The following PLA2G5 variants were observed in gnomAD, a reference collection of about 807,000 sequenced individuals.
PLA2G5 encodes the protein phospholipase A2 group V.
Under a neutral mutation model 15.9 loss-of-function variants are expected in PLA2G5, and 12 were observed. The observed-to-expected ratio is 0.76, with a 90% CI of 0.48 to 1.23. The LOEUF is 1.23. Among genes scored for constraint, PLA2G5 ranks in the 50% most tolerant of loss-of-function variants. The pLI is 0.00. For synonymous variants in PLA2G5, 71 were observed against 71.4 expected, an observed-to-expected ratio of 0.99 and a Z score of 0.03; for missense variants, 169 against 177.1, an observed-to-expected ratio of 0.95 and a Z score of 0.26.
intron 1 of PLA2G5, among the ~76,000 whole-genome samples, chr1:20,051,844 T>A (rs1168676285): frequency 6.6e-6 from 1 of 152,172 alleles, no homozygotes; most frequent in Admixed American, 6.5e-5. Flanking sequence ...TGACAGTTTC[T>A]GACAGGCCCA....
intron 1 of PLA2G5, among the ~76,000 whole-genome samples, chr1:20,035,381 G>T (rs570533032): frequency 6.6e-6 from 1 of 152,266 alleles, no homozygotes; most frequent in Admixed American, 6.5e-5. Flanking sequence ...AGAATGTGGT[G>T]TTCCTTGCAT....
intron 1 of PLA2G5, among the ~76,000 whole-genome samples, chr1:20,052,852 G>A (rs912550431): frequency 6.6e-6 from 1 of 152,100 alleles, no homozygotes; most frequent in African/African-American, 2.4e-5. Context: ...TAAGATAAAT[G>A]CATATCTGAT....
chr1:20,032,442 A>G (rs959675564), intron 1 of PLA2G5, among the ~76,000 whole-genome samples: 7 of 151,850 alleles, frequency 4.6e-5, no homozygotes, highest in Non-Finnish European at 1.0e-4. Flanking sequence ...TTTGTTTTAC[A>G]GGGGGTCATG....
rs1417448273 is a variant in PLA2G5 at position 20,040,599 on chromosome 1, CACACACAA to C, written n.276+11895_276+11902del. Among the ~76,000 whole-genome samples the C allele has an allele frequency of 9.2e-5, 14 of 152,004 alleles. No homozygotes were observed. In the East Asian group the frequency reaches 1.2e-3, roughly 13 times the overall value. On this transcript the variant is annotated intron_variant and non_coding_transcript_variant, in intron 1 of 6. Transcript: ENST00000460175. ...AAATACACACACACACACACACACA[CACACACAA>C]ACACTCACACTCATTTACTCAAATG... is the stretch of plus-strand genomic sequence containing the variant.
chr1:20,055,922 G>T lies in PLA2G5; in HGVS notation n.277-3710G>T, dbSNP rs139789663. On this transcript the variant is annotated intron_variant and non_coding_transcript_variant, in intron 1 of 6. Transcript: ENST00000460175. ...TCAACTAGTTTGGGGATCAGAGAAGGTTCTCTAGGAAGATGACATTTTATC... is the reference window on the plus strand; with the variant it reads ...TCAACTAGTTTGGGGATCAGAGAAGTTTCTCTAGGAAGATGACATTTTATC... 5.2e-3 allele frequency among the ~76,000 whole-genome samples: 790 copies of T among 152,264 alleles called. 8 individuals carry two copies. The highest frequency in any genetic ancestry group is 0.017 in the African/African-American group (690 of 41,558).
chr1:20,062,706 C>A (rs1485222796), intron 2 of PLA2G5, among the ~76,000 whole-genome samples: 1 of 152,124 alleles, frequency 6.6e-6, no homozygotes, highest in Admixed American at 6.5e-5. Context: ...CCTTCTTTTT[C>A]CCCTACCATG....
rs570507543 is a variant in PLA2G5, at chr1:20,049,478, C to A, written n.277-10154C>A. On this transcript the variant is annotated intron_variant and non_coding_transcript_variant, in intron 1 of 6. Transcript: ENST00000460175. ...ATATGATTTGGCTCTGTGTCCCCAC[C>A]CAAATCTCACCTTGAATTGTAGTGA... is the stretch of plus-strand genomic sequence containing the variant. Among the ~76,000 whole-genome samples the A allele has an allele frequency of 2.6e-5, 4 of 152,056 alleles. No homozygotes were observed. The South Asian group carries it at 8.3e-4, about 32-fold the overall frequency.
intron 2 of PLA2G5, among the ~76,000 whole-genome samples, chr1:20,062,999 G>A (rs749808451): frequency 1.3e-5 from 2 of 152,112 alleles, no homozygotes; most frequent in African/African-American, 2.4e-5. Flanking sequence ...TGGACGTGGG[G>A]AAGCACCTAC....
chr1:20,087,463 G>T (rs971973928), intron 3 of PLA2G5, among the ~76,000 whole-genome samples: 2 of 151,726 alleles, frequency 1.3e-5, no homozygotes, highest in Non-Finnish European at 2.9e-5. Context: ...GCGCAATCTC[G>T]GCTCACTGCA....
chr1:20,029,460 C>G (rs574570161), intron 1 of PLA2G5, among the ~76,000 whole-genome samples: 2 of 152,214 alleles, frequency 1.3e-5, no homozygotes, highest in South Asian at 2.1e-4. Context: ...CGCTGATCTG[C>G]TCCTCTTGAC....
intron 1 of PLA2G5, chr1:20,076,797 A>G (rs987078077): frequency 2.6e-5 from 4 of 152,282 alleles, no homozygotes; most frequent in Non-Finnish European, 5.9e-5. Context: ...GATGAGTTCT[A>G]TAACATTCCA....
In PLA2G5 at chr1:20,070,198, G is replaced by A. The variant is rs1039810526; in HGVS notation, c.-278G>A. ...ACTTCCTGCCTCTGCAAAGGCAGTC[G>A]GGGGCTGAGCAGGGTTCTACCCGGC... On this transcript the variant is annotated 5_prime_UTR_variant, in exon 1 of 5. Transcript: ENST00000375108. 29 of 985,326 alleles carry A rather than the reference G, an allele frequency of 2.9e-5. No individual in the cohort carries two copies. Among genetic ancestry groups the A allele is most frequent in the South Asian group, 4.7e-5 (1 of 21,292 alleles). The allele number at this position is 985,326 out of a possible 1,614,324, so 61.0% of individuals were successfully genotyped here. A position where few individuals can be genotyped will look rare whatever the true frequency, so the allele number is the denominator to read the frequency against.
intron 1 of PLA2G5, among the ~76,000 whole-genome samples, chr1:20,084,390 A>G (rs1041814351): frequency 1.3e-5 from 2 of 152,196 alleles, no homozygotes; most frequent in Non-Finnish European, 1.5e-5. Flanking sequence ...TGTGGGCGTC[A>G]AGTGCTCTCT....
intron 1 of PLA2G5, among the ~76,000 whole-genome samples, chr1:20,056,975 C>A (rs941928709): frequency 6.6e-6 from 1 of 152,118 alleles, no homozygotes; most frequent in Non-Finnish European, 1.5e-5. Context: ...TGGTCCATTT[C>A]ATCTAGGCTA....
At chr1:20,064,841 C>T (rs2014934393) in intron 2 of PLA2G5, among the ~76,000 whole-genome samples, 2 of 152,108 alleles carry the variant, frequency 1.3e-5, no homozygotes, top group Admixed American at 1.3e-4. Flanking sequence ...GTACCAGCTC[C>T]ATGGGAATCA....
At position 20,081,578 on chromosome 1, in the gene PLA2G5, A is replaced by G. The variant is rs373677025; in HGVS notation, c.-10-3243A>G. On this transcript the variant is annotated intron_variant, in intron 1 of 4. Coordinates refer to ENST00000375108, the MANE Select transcript of PLA2G5 (RefSeq NM_000929.3). ...CAGGGGACACAGTTTAGGACCGGTC[A>G]GTTTGAATCATGTCAGTGGAACTCC... Among the ~76,000 whole-genome samples, 48 of 151,842 alleles carry G rather than the reference A, an allele frequency of 3.2e-4. 2 individuals are homozygous for G. Among genetic ancestry groups the G allele is most frequent in the Admixed American group, 8.5e-4 (13 of 15,276 alleles).
intron 1 of PLA2G5, among the ~76,000 whole-genome samples, chr1:20,058,436 A>G (rs1473922189): frequency 1.3e-5 from 2 of 152,214 alleles, no homozygotes; most frequent in African/African-American, 2.4e-5. Flanking sequence ...AGAAATTAAC[A>G]TAGCTACTCC....
chr1:20,031,718 G>A (rs2012955475), intron 1 of PLA2G5, among the ~76,000 whole-genome samples: 1 of 152,102 alleles, frequency 6.6e-6, no homozygotes, highest in African/African-American at 2.4e-5. Flanking sequence ...TTTTTAGTTT[G>A]GAATGGTGTA....
At chr1:20,039,449 C>G (rs1202773961) in intron 1 of PLA2G5, among the ~76,000 whole-genome samples, 1 of 152,156 alleles carries the variant, frequency 6.6e-6, no homozygotes, top group Non-Finnish European at 1.5e-5. Flanking sequence ...ACAGGAATTA[C>G]ACTTGGAGAA....
Sources: allele counts gnomAD v4.1 joint callset (sites outside exome capture counted in the v4.1 genomes callset), GRCh38; gene constraint gnomAD v4.1.1; transcripts MANE v1.5; gene names NCBI Gene and HGNC (gene_info 2026-07-23, HGNC 2026-07-21).